The following CLEC4A variants were observed in gnomAD, a reference collection of about 807,000 sequenced individuals.
CLEC4A encodes C-type (calcium dependent, carbohydrate-recognition domain) lectin, superfamily member 6.
Under a neutral mutation model 32.7 loss-of-function variants are expected in CLEC4A, and 27 were observed. The ratio of observed to expected loss-of-function variants is 0.83; its 90% CI spans 0.61 to 1.14. The LOEUF (loss-of-function observed/expected upper bound fraction) is 1.14, where lower values mean the gene tolerates loss of function less well. Among genes scored for constraint, CLEC4A ranks in the 50% most tolerant of loss-of-function variants. CLEC4A has a pLI of 0.00. For missense variants in CLEC4A, 253 were observed against 274.6 expected (o/e 0.92, Z 0.55); for synonymous variants, 89 against 93.7 (o/e 0.95, Z 0.29).
At chr12:8,117,213 TG>T in the CLEC4A span, among the ~76,000 whole-genome samples, 2 of 143,940 alleles carry the variant, frequency 1.4e-5, no homozygotes, top group African/African-American at 5.2e-5. Flanking sequence ...TTCTTTCCCT[TG>T]GGGTTGCTTG....
rs1158952021 is a variant in CLEC4A at position 8,123,696 on chromosome 12, T to C, written c.-183T>C. The C allele has an allele frequency of 1.8e-6, 1 of 558,044 alleles. No homozygotes were observed. The highest frequency in any genetic ancestry group is 3.2e-6 in the Non-Finnish European group (1 of 314,218). 34.6% of individuals were successfully genotyped at this position (558,044 alleles called of 1,614,324 possible). ...TGTGAACTGCGGTTTTTAGTTTTTA[T>C]TGTGGTTCTTAGTTCTCATGAGACC... is the stretch of plus-strand genomic sequence containing the variant. On this transcript the variant is annotated 5_prime_UTR_variant, in exon 1 of 6. Transcript: ENST00000229332.
chr12:8,132,235 C>T (rs1948011066), intron 3 of CLEC4A, among the ~76,000 whole-genome samples: 1 of 152,154 alleles, frequency 6.6e-6, no homozygotes, highest in African/African-American at 2.4e-5. Context: ...ATGCTTGAGA[C>T]TCACATTGTA....
In CLEC4A at chr12:8,125,676, C is replaced by T; in HGVS notation, c.198C>T (p.Val66=). Residue 66 remains valine, a splice_region_variant and synonymous_variant, in exon 2 of 6, where the codon GTC becomes GTT. Transcript: ENST00000229332. The stretch of plus-strand genomic sequence containing the variant: ...CAATCTCATTCTTTATTGCTTTTGT[C>T]AGTAAGTATGCCAACTGAACCAATA... The part of the protein sequence containing the change: ...LLAISFFIAF[V]IFFQKYSQLL... The T allele has an allele frequency of 1.3e-6, 2 of 1,562,834 alleles. No individual in the cohort carries two copies. The highest frequency in any genetic ancestry group is 1.8e-6 in the Non-Finnish European group (2 of 1,133,398).
rs1591605730 is a variant in CLEC4A, at chr12:8,123,681, G to A, written c.-198G>A. The A allele has an allele frequency of 9.2e-6, 5 of 543,514 alleles. No homozygotes were observed. Among genetic ancestry groups the A allele is most frequent in the African/African-American group, 1.9e-5 (1 of 52,348 alleles). 33.7% of individuals were successfully genotyped at this position (543,514 alleles called of 1,614,324 possible). On this transcript the variant is annotated 5_prime_UTR_variant, in exon 1 of 6. Coordinates refer to ENST00000229332, the MANE Select transcript of CLEC4A (RefSeq NM_016184.4). ...TGAGGAAAGGGCTTCTGTGAACTGCGGTTTTTAGTTTTTATTGTGGTTCTT... is the reference window on the plus strand; with the variant it reads ...TGAGGAAAGGGCTTCTGTGAACTGCAGTTTTTAGTTTTTATTGTGGTTCTT...
intron 5 of CLEC4A, 59 bp downstream of exon 5, chr12:8,136,962 T>C: frequency 1.8e-6 from 2 of 1,111,242 alleles, no homozygotes; most frequent in South Asian, 1.4e-5. Flanking sequence ...GAGCTTAGGG[T>C]ATTCTAGCTA....
At chr12:8,113,211 G>A in the CLEC4A span, among the ~76,000 whole-genome samples, 7 of 146,760 alleles carry the variant, frequency 4.8e-5, no homozygotes, top group Non-Finnish European at 1.0e-4. Flanking sequence ...GTGAGAACAT[G>A]CGGTGTTTGG....
intron 4 of CLEC4A, among the ~76,000 whole-genome samples, chr12:8,136,165 G>C (rs757441493): frequency 6.6e-6 from 1 of 152,192 alleles, no homozygotes; most frequent in Non-Finnish European, 1.5e-5. Context: ...GAAAATGACT[G>C]AATCTGCCAA....
the CLEC4A span, among the ~76,000 whole-genome samples, chr12:8,115,112 C>T: frequency 2.0e-5 from 3 of 152,160 alleles, no homozygotes; most frequent in African/African-American, 7.2e-5. Flanking sequence ...CTACCTGTGG[C>T]CTGGACCACC....
chr12:8,134,784 C>G (rs376132895), intron 3 of CLEC4A: 138 of 1,552,490 alleles, frequency 8.9e-5, no homozygotes, highest in Non-Finnish European at 1.1e-4. Context: ...CTCCGGCCCC[C>G]CTGGCCCATC....
At chr12:8,118,397 A>T in the CLEC4A span, among the ~76,000 whole-genome samples, 1 of 9,366 alleles carries the variant, frequency 1.1e-4, no homozygotes, top group African/African-American at 1.1e-4. Context: ...CACTGCTATA[A>T]AAAAAAAAAA....
the CLEC4A span, among the ~76,000 whole-genome samples, chr12:8,108,022 T>A: frequency 6.6e-6 from 1 of 152,204 alleles, no homozygotes; most frequent in African/African-American, 2.4e-5. Flanking sequence ...TGTGGGCATG[T>A]AGCACTATAA....
intron 3 of CLEC4A, chr12:8,134,986 G>T (rs77079666): frequency 0.084 from 11,073 of 132,566 alleles, 1,096 homozygotes; most frequent in African/African-American, 0.19. Context: ...TTTGTTTTTT[G>T]TTTTTTTTTA....
rs371181779 is a variant in CLEC4A, at chr12:8,134,973, G to GTTTTT, written c.299-611_299-607dup. 8.3e-4 allele frequency: 265 copies of GTTTTT among 318,772 alleles called. 24 individuals are homozygous for GTTTTT. The African/African-American group carries it at 8.8e-3, about 11-fold the overall frequency. The allele number at this position is 318,772 out of a possible 1,614,324, so 19.7% of individuals were successfully genotyped here. The stretch of plus-strand genomic sequence containing the variant: ...CATGTCTGTATCTTCTTGTTGAAGC[G>GTTTTT]TTTTTGTTTTTTGTTTTTTTTTAAT... On this transcript the variant is annotated intron_variant, in intron 3 of 5. Coordinates refer to ENST00000229332, the MANE Select transcript of CLEC4A (RefSeq NM_016184.4).
chr12:8,112,530 C>A, the CLEC4A span, among the ~76,000 whole-genome samples: 1 of 151,988 alleles, frequency 6.6e-6, no homozygotes, highest in Non-Finnish European at 1.5e-5. Context: ...AAAATATATT[C>A]ATTTCTCTTA....
At chr12:8,134,518 G>A (rs1565405909) in intron 3 of CLEC4A, 1 of 1,613,824 alleles carries the variant, frequency 6.2e-7, no homozygotes, top group Non-Finnish European at 8.5e-7. Flanking sequence ...CAGGGCTCCG[G>A]GGAGGCCCCA....
chr12:8,130,364 ATTATTG>A (rs1947978024), intron 3 of CLEC4A, among the ~76,000 whole-genome samples: 2 of 151,640 alleles, frequency 1.3e-5, no homozygotes, highest in South Asian at 4.2e-4. Flanking sequence ...AAATTAATAG[ATTATTG>A]TTATTATTAT....
chr12:8,125,473 C>T, intron 1 of CLEC4A, 88 bp from the exon 2 acceptor site: 3 of 742,818 alleles, frequency 4.0e-6, no homozygotes, highest in Non-Finnish European at 7.3e-6. Context: ...GTGTGTCATC[C>T]AAGAAAAGAG....
At chr12:8,113,705 C>G in the CLEC4A span, among the ~76,000 whole-genome samples, 4 of 152,288 alleles carry the variant, frequency 2.6e-5, no homozygotes, top group African/African-American at 7.2e-5. Flanking sequence ...CGTCTCACCC[C>G]CTACCCAGGT....
intron 2 of CLEC4A, among the ~76,000 whole-genome samples, chr12:8,127,803 A>G (rs900014919): frequency 2.0e-5 from 3 of 152,348 alleles, no homozygotes; most frequent in South Asian, 4.1e-4. Flanking sequence ...GAAGTAAAGT[A>G]TGGCTCCAAT....
Sources: allele counts gnomAD v4.1 joint callset (sites outside exome capture counted in the v4.1 genomes callset), GRCh38; gene constraint gnomAD v4.1.1; transcripts MANE v1.5; gene names NCBI Gene and HGNC (gene_info 2026-07-23, HGNC 2026-07-21).